Variants in DLG2 observed in about 807,000 individuals in gnomAD.
DLG2 encodes discs large MAGUK scaffold protein 2, also known as disks large homolog 2.
A neutral mutation model predicts 132.5 loss-of-function variants in DLG2; 45 were observed. The ratio of observed to expected loss-of-function variants is 0.34; its 90% CI spans 0.27 to 0.44. The LOEUF (loss-of-function observed/expected upper bound fraction) is 0.44. Ranked by LOEUF, DLG2 falls within the 20% of genes least tolerant of loss-of-function variation. The pLI, the probability that DLG2 is intolerant of heterozygous loss-of-function variation, is 1.00. For synonymous variants in DLG2, 424 were observed against 419.6 expected (o/e 1.01, Z -0.13); for missense variants, 1,045 against 1,196.9 (o/e 0.87, Z 1.87).
chr11:84,084,454 G>C (rs1300265180), intron 10 of DLG2, among the ~76,000 whole-genome samples: 1 of 152,174 alleles, frequency 6.6e-6, no homozygotes, highest in Non-Finnish European at 1.5e-5. Flanking sequence ...CTCAGAATGG[G>C]TGGTATGGGA....
chr11:83,529,892 A>C (rs1324186972), intron 21 of DLG2, among the ~76,000 whole-genome samples: 1 of 152,120 alleles, frequency 6.6e-6, no homozygotes, highest in Non-Finnish European at 1.5e-5. Context: ...ATGGTGTTTA[A>C]CATGTATAAT....
intron 7 of DLG2, among the ~76,000 whole-genome samples, chr11:84,362,742 G>A (rs1373985395): frequency 6.6e-6 from 1 of 151,946 alleles, no homozygotes. Context: ...TCCCACCTAT[G>A]AGTGAGAATG....
chr11:85,272,865 T>C (rs1419974915), intron 4 of DLG2, among the ~76,000 whole-genome samples: 1 of 152,072 alleles, frequency 6.6e-6, no homozygotes, highest in East Asian at 1.9e-4. Context: ...GTTACAAGGC[T>C]ACAGTAACCA....
At chr11:85,324,418 T>C (rs903298130) in intron 3 of DLG2, among the ~76,000 whole-genome samples, 1 of 152,186 alleles carries the variant, frequency 6.6e-6, no homozygotes, top group African/African-American at 2.4e-5. Context: ...AAAATGTATA[T>C]GTTGAGTTGA....
intron 3 of DLG2, among the ~76,000 whole-genome samples, chr11:85,433,663 T>A (rs762934213): frequency 9.2e-5 from 14 of 152,186 alleles, no homozygotes; most frequent in Non-Finnish European, 1.5e-4. Flanking sequence ...CCCAGATTCA[T>A]AAAACAAGTT....
At chr11:83,765,087 G>C (rs2094085902) in intron 18 of DLG2, among the ~76,000 whole-genome samples, 1 of 152,142 alleles carries the variant, frequency 6.6e-6, no homozygotes, top group Non-Finnish European at 1.5e-5. Flanking sequence ...TCAAATCCCA[G>C]GTTAGAAAAA....
At chr11:85,071,401 G>GT (rs1389410476) in intron 6 of DLG2, among the ~76,000 whole-genome samples, 1 of 151,796 alleles carries the variant, frequency 6.6e-6, no homozygotes, top group Non-Finnish European at 1.5e-5. Flanking sequence ...ATTATTAATA[G>GT]TAAGAAAGGC....
At chr11:84,408,310 G>T (rs1026045746) in intron 7 of DLG2, among the ~76,000 whole-genome samples, 18 of 150,594 alleles carry the variant, frequency 1.2e-4, no homozygotes, top group Admixed American at 1.1e-3. Context: ...CAATATTTTT[G>T]TCTAGTGAAA....
upstream of DLG2, among the ~76,000 whole-genome samples, chr11:85,628,363 G>A (rs964958573): frequency 1.3e-5 from 2 of 152,250 alleles, no homozygotes; most frequent in Non-Finnish European, 2.9e-5. Context: ...TAAATAGTCA[G>A]GGAAGGAAAT....
intron 6 of DLG2, among the ~76,000 whole-genome samples, chr11:84,812,902 T>G (rs185975141): frequency 6.6e-6 from 1 of 152,114 alleles, no homozygotes; most frequent in African/African-American, 2.4e-5. Flanking sequence ...GTCGTTTTCA[T>G]TGGCTCACTG....
At chr11:84,902,212 T>C (rs949988510) in intron 6 of DLG2, among the ~76,000 whole-genome samples, 1 of 152,118 alleles carries the variant, frequency 6.6e-6, no homozygotes, top group African/African-American at 2.4e-5. Flanking sequence ...TTGCTTACAG[T>C]TACTACAAAT....
At position 85,603,899 on chromosome 11, in the gene DLG2, A is replaced by G. The variant is rs1310734512; in HGVS notation, c.-92-5111T>C. Among the ~76,000 whole-genome samples the G allele has an allele frequency of 2.0e-5, 3 of 152,226 alleles. No individual in the cohort carries two copies. In the East Asian group the frequency reaches 5.8e-4, roughly 29 times the overall value. On this transcript the variant is annotated intron_variant, in intron 2 of 27. Coordinates refer to ENST00000376104, the MANE Select transcript of DLG2 (RefSeq NM_001142699.3). ...GCTACTGCACTCCAGCCTGGGCTAC[A>G]GAGTGAGACCCTGTCTCTAAATAAA...
chr11:85,209,445 CTTTT>C (rs1164394816), intron 4 of DLG2, among the ~76,000 whole-genome samples: 2 of 74,434 alleles, frequency 2.7e-5, no homozygotes, highest in Non-Finnish European at 4.7e-5. Context: ...AGAAATCAGT[CTTTT>C]TTTTTTTTTT....
At chr11:85,447,185 T>C (rs2092048201) in intron 3 of DLG2, among the ~76,000 whole-genome samples, 1 of 152,194 alleles carries the variant, frequency 6.6e-6, no homozygotes, top group African/African-American at 2.4e-5. Flanking sequence ...ACTGATAATC[T>C]AGCTTTCACT....
intron 8 of DLG2, among the ~76,000 whole-genome samples, chr11:84,227,204 T>A (rs113609741): frequency 0.01 from 1,517 of 151,638 alleles, 11 homozygotes; most frequent in Non-Finnish European, 0.015. Context: ...TTTCAGGAGA[T>A]CCCACTCCAA....
chr11:84,806,808 G>A (rs2076050711), intron 6 of DLG2, among the ~76,000 whole-genome samples: 1 of 152,022 alleles, frequency 6.6e-6, no homozygotes, highest in Admixed American at 6.5e-5. Context: ...TTCTTCTCTT[G>A]GATTTCCTAC....
chr11:84,969,932 C>T (rs1050869687), intron 6 of DLG2, among the ~76,000 whole-genome samples: 3 of 152,106 alleles, frequency 2.0e-5, no homozygotes, highest in African/African-American at 7.2e-5. Context: ...AAACCAAACA[C>T]CGCATGTTTT....
chr11:83,603,843 T>A (rs545390571), intron 19 of DLG2, among the ~76,000 whole-genome samples: 1 of 152,340 alleles, frequency 6.6e-6, no homozygotes, highest in African/African-American at 2.4e-5. Context: ...TTCTGATTGC[T>A]TTATAGTTCT....
intron 22 of DLG2, chr11:83,483,254 C>T (rs780908967): frequency 6.2e-7 from 1 of 1,612,488 alleles, no homozygotes; most frequent in Non-Finnish European, 8.5e-7. Flanking sequence ...GAAACTTACT[C>T]AGAGTCTTTG....
Sources: gnomAD v4.1 joint callset for allele counts (sites outside exome capture counted in the v4.1 genomes callset) on GRCh38, gnomAD v4.1.1 for gene constraint, MANE v1.5 for transcripts, NCBI Gene and HGNC (gene_info 2026-07-23, HGNC 2026-07-21) for gene names.